Variants in DOCK8 observed in about 807,000 individuals in gnomAD.
DOCK8 encodes dedicator of cytokinesis protein 8.
DOCK8 carries 141 observed loss-of-function variants against 245.6 expected under a neutral mutation model. The observed-to-expected ratio is 0.57, with a 90% confidence interval of 0.50 to 0.66. The LOEUF (loss-of-function observed/expected upper bound fraction) is 0.66. Among genes scored for constraint, DOCK8 ranks in the 30% least tolerant of loss-of-function variants. The probability of loss-of-function intolerance (pLI) is 0.00; values close to 1 mark genes in which losing one functional copy is unlikely to be tolerated. For synonymous variants in DOCK8, 1,168 were observed against 970.2 expected (o/e 1.20, Z -3.79); for missense variants, 2,965 against 2,603.4 (o/e 1.14, Z -3.02).
At chr9:446,243 T>C in intron 43 of DOCK8, 127 bp from the exon 44 acceptor site, 1 of 815,436 alleles carries the variant, frequency 1.2e-6, no homozygotes, top group Non-Finnish European at 2.2e-6. Flanking sequence ...CTCCCCTGCA[T>C]CTGTAGCTTT....
At chr9:296,366 G>C (rs545384729) in intron 4 of DOCK8, among the ~76,000 whole-genome samples, 46 of 152,320 alleles carry the variant, frequency 3.0e-4, no homozygotes, top group African/African-American at 1.1e-3. Flanking sequence ...GTGGAGAGCT[G>C]AACTCTTAAG....
intron 1 of DOCK8, among the ~76,000 whole-genome samples, chr9:234,436 G>A (rs1385763484): frequency 6.6e-6 from 1 of 152,174 alleles, no homozygotes; most frequent in East Asian, 1.9e-4. Flanking sequence ...GAATTTCAGT[G>A]TTGGCCTGCC....
chr9:291,891 A>G lies in DOCK8; in HGVS notation c.404+2310A>G, dbSNP rs530033440. Among the ~76,000 whole-genome samples, 10 of 151,064 alleles carry G rather than the reference A, an allele frequency of 6.6e-5. No individual in the cohort carries two copies. The East Asian group carries it at 1.9e-3, about 29-fold the overall frequency. ...AGACCAGCCTAGGCAATATACAGAGACCCCACCTCTAAAAAAATTTTTTAA... is the reference window on the plus strand; with the variant it reads ...AGACCAGCCTAGGCAATATACAGAGGCCCCACCTCTAAAAAAATTTTTTAA... On this transcript the variant is annotated intron_variant, in intron 4 of 47. Coordinates refer to ENST00000432829, the MANE Select transcript of DOCK8 (RefSeq NM_203447.4).
intron 1 of DOCK8, among the ~76,000 whole-genome samples, chr9:221,075 G>T (rs994037914): frequency 6.6e-6 from 1 of 152,188 alleles, no homozygotes; most frequent in Non-Finnish European, 1.5e-5. Context: ...ATCGACAACA[G>T]TGGGGGTATA....
At position 340,204 on chromosome 9, in the gene DOCK8, G is replaced by T. The variant is rs1171652690; in HGVS notation, c.1562G>T (p.Cys521Phe). 2.2e-5 allele frequency: 36 copies of T among 1,613,980 alleles called. No individual in the cohort carries two copies. The highest frequency in any genetic ancestry group is 2.8e-5 in the Non-Finnish European group (33 of 1,180,028). Residue 521 changes from cysteine to phenylalanine, a missense_variant, in exon 14 of 48, where the codon TGC becomes TTC. Physicochemically the swap from Cys to Phe is radical, Grantham distance 205. Coordinates refer to ENST00000432829, the MANE Select transcript of DOCK8 (RefSeq NM_203447.4). ...EISTAPEIIN[C>F]CLTPEMLPVK... Reference sequence around the variant, plus strand: ...TCTACAGCTCCAGAGATCATCAATTGCTGTCTGACTCCTGAAATGCTGCCC... The same window carrying T: ...TCTACAGCTCCAGAGATCATCAATTTCTGTCTGACTCCTGAAATGCTGCCC...
intron 19 of DOCK8, 49 bp downstream of exon 19, chr9:376,354 C>G (rs566507692): frequency 9.4e-6 from 12 of 1,276,818 alleles, no homozygotes; most frequent in African/African-American, 7.3e-5. Flanking sequence ...AGCGGAGGAG[C>G]CTTTGAAGGA....
At chr9:364,471 A>C (rs1040892966) in intron 14 of DOCK8, among the ~76,000 whole-genome samples, 1 of 151,948 alleles carries the variant, frequency 6.6e-6, no homozygotes, top group African/African-American at 2.4e-5. Context: ...TGTCTCTACA[A>C]AAAATTTAAA....
Position 304,648 on chromosome 9 carries a change from C to G in DOCK8, c.472C>G (p.Leu158Val), listed in dbSNP as rs542942121. 2.2e-5 allele frequency: 36 copies of G among 1,614,096 alleles called. No individual in the cohort carries two copies. The Middle Eastern group carries it at 6.6e-4, about 29-fold the overall frequency. Residue 158 changes from leucine (L) to valine (V), a missense_variant, in exon 5 of 48, where the codon CTT becomes GTT. This residue lies in a region of DOCK8 where 2,825 missense variants were observed against 2,453.5 expected (regional missense o/e 1.15). Coordinates refer to ENST00000432829, the MANE Select transcript of DOCK8 (RefSeq NM_203447.4). ...ATCTCGAAAAGATTTTCACAAGACG[C>G]TTCCGAAACAGACGTTTGAGTCGGA... ...TGSRKDFHKT[L>V]PKQTFESETL...
intron 26 of DOCK8, among the ~76,000 whole-genome samples, chr9:400,301 TCTTCACCGTCACCACCACCTCCAC>T (rs2054822121): frequency 1.3e-4 from 1 of 7,648 alleles, no homozygotes; most frequent in Non-Finnish European, 2.0e-4. Context: ...ACCACCACCA[TCTTCACCGTCACCACCACCTCCAC>T]CACCACCACC....
chr9:251,905 AAAGT>A (rs556227226), intron 1 of DOCK8, among the ~76,000 whole-genome samples: 2 of 152,106 alleles, frequency 1.3e-5, no homozygotes, highest in South Asian at 4.1e-4. Flanking sequence ...GGTACACCAA[AAAGT>A]AAGAAGAATG....
In DOCK8 at chr9:441,497, T is replaced by C. The variant is rs2057094136; in HGVS notation, c.5355+80T>C. Reference sequence around the variant, plus strand: ...CCTACAGATGCTTAGCCATCCTTCCTCTCCAGGGAGTGATTTATCTTTAGC... The same window carrying C: ...CCTACAGATGCTTAGCCATCCTTCCCCTCCAGGGAGTGATTTATCTTTAGC... On this transcript the variant is annotated intron_variant, in intron 41 of 47. Coordinates refer to ENST00000432829, the MANE Select transcript of DOCK8 (RefSeq NM_203447.4). The C allele has an allele frequency of 3.1e-6, 5 of 1,599,480 alleles. No homozygotes were observed. The Admixed American group carries it at 5.0e-5, about 16-fold the overall frequency.
intron 41 of DOCK8, 79 bp downstream of exon 41, chr9:441,496 CT>C: frequency 6.3e-7 from 1 of 1,599,852 alleles, no homozygotes. Context: ...GCCATCCTTC[CT>C]CTCCAGGGAG....
chr9:317,774 C>A (rs1369594948), intron 7 of DOCK8, among the ~76,000 whole-genome samples: 2 of 152,086 alleles, frequency 1.3e-5, no homozygotes, highest in African/African-American at 4.8e-5. Context: ...TGTCAACTGT[C>A]TTTTCTATTT....
chr9:299,260 T>A lies in DOCK8; in HGVS notation c.405-5321T>A, dbSNP rs375203909. 2.4e-4 allele frequency among the ~76,000 whole-genome samples: 36 copies of A among 152,298 alleles called. No individual in the cohort carries two copies. The South Asian group carries it at 7.0e-3, about 30-fold the overall frequency. On this transcript the variant is annotated intron_variant, in intron 4 of 47. Transcript: ENST00000432829. ...TACCCAGTCAGCACACACAGATATG[T>A]TGTTGCCTACATTTATATTTGTGAG...
chr9:325,405 A>G (rs1168519632), intron 7 of DOCK8, among the ~76,000 whole-genome samples: 1 of 152,226 alleles, frequency 6.6e-6, no homozygotes, highest in Non-Finnish European at 1.5e-5. Context: ...TCTCTCTTGC[A>G]GTGAGTGAGT....
intron 6 of DOCK8, chr9:314,337 A>T (rs1367242374): frequency 6.6e-6 from 1 of 152,258 alleles, no homozygotes; most frequent in Non-Finnish European, 1.5e-5. Context: ...CCCAAAGTGG[A>T]TGCCAGAAGA....
At chr9:247,784 T>G (rs1174525160) in intron 1 of DOCK8, among the ~76,000 whole-genome samples, 1 of 152,016 alleles carries the variant, frequency 6.6e-6, no homozygotes, top group Non-Finnish European at 1.5e-5. Flanking sequence ...TGATCCACCC[T>G]CCTCGGCCTC....
chr9:214,578 T>C (rs769872117), upstream of DOCK8: 2 of 1,614,054 alleles, frequency 1.2e-6, no homozygotes, highest in South Asian at 2.2e-5. Flanking sequence ...CTACATTCCC[T>C]GGCAGCCTCG....
chr9:257,755 G>A (rs189038767), intron 1 of DOCK8, among the ~76,000 whole-genome samples: 40 of 152,286 alleles, frequency 2.6e-4, no homozygotes, highest in African/African-American at 8.2e-4. Context: ...TTGACCTCAT[G>A]ATCTGCCCAC....
Sources: allele counts gnomAD v4.1 joint callset (sites outside exome capture counted in the v4.1 genomes callset), GRCh38; gene constraint gnomAD v4.1.1; regional missense constraint gnomAD v4.1.1; transcripts MANE v1.5; gene names NCBI Gene and HGNC (gene_info 2026-07-23, HGNC 2026-07-21).